MB21D2: variants seen among roughly 807,000 people sequenced by gnomAD.
The protein encoded by MB21D2 is nucleotidyltransferase MB21D2.
MB21D2 carries 9 observed loss-of-function variants against 33.3 expected under a neutral mutation model. That is an observed-to-expected ratio of 0.27 (90% CI 0.16 to 0.47). The LOEUF (loss-of-function observed/expected upper bound fraction) is 0.47, where lower values mean the gene tolerates loss of function less well. Among genes scored for constraint, MB21D2 ranks in the 20% least tolerant of loss-of-function variants. The pLI, the probability that MB21D2 is intolerant of heterozygous loss-of-function variation, is 0.99. For synonymous variants in MB21D2, 241 were observed against 236.3 expected (o/e 1.02, Z -0.18); for missense variants, 540 against 624.6 (o/e 0.86, Z 1.44).
intron 1 of MB21D2, among the ~76,000 whole-genome samples, chr3:192,852,494 T>C (rs942810609): frequency 6.6e-5 from 10 of 152,164 alleles, no homozygotes; most frequent in African/African-American, 2.4e-4. Flanking sequence ...GGTCATTTTG[T>C]AGCAGGACAT....
intron 1 of MB21D2, among the ~76,000 whole-genome samples, chr3:192,880,002 G>T (rs1199604468): frequency 6.6e-6 from 1 of 152,124 alleles, no homozygotes; most frequent in Non-Finnish European, 1.5e-5. Flanking sequence ...TCCAGCAAGA[G>T]AAATGGCAGG....
chr3:192,904,515 C>G (rs558715034), intron 1 of MB21D2, among the ~76,000 whole-genome samples: 1 of 152,206 alleles, frequency 6.6e-6, no homozygotes, highest in Admixed American at 6.5e-5. Context: ...CCCTCGGCCC[C>G]GGGCCCTTGG....
chr3:192,858,828 G>T (rs188116170), intron 1 of MB21D2, among the ~76,000 whole-genome samples: 2 of 152,274 alleles, frequency 1.3e-5, no homozygotes, highest in East Asian at 3.9e-4. Context: ...AGGTATACAG[G>T]TATTGCAATA....
At chr3:192,855,325 C>G (rs1712893773) in intron 1 of MB21D2, among the ~76,000 whole-genome samples, 3 of 152,186 alleles carry the variant, frequency 2.0e-5, no homozygotes, top group Non-Finnish European at 2.9e-5. Flanking sequence ...TCTCTAACTC[C>G]TGGCCTCGTG....
intron 1 of MB21D2, among the ~76,000 whole-genome samples, chr3:192,833,688 C>T (rs1384779508): frequency 6.6e-6 from 1 of 152,138 alleles, no homozygotes; most frequent in African/African-American, 2.4e-5. Flanking sequence ...TCAGAACAAC[C>T]CTAGAACTCT....
At chr3:192,816,061 T>G (rs182752131) in intron 1 of MB21D2, among the ~76,000 whole-genome samples, 1 of 152,114 alleles carries the variant, frequency 6.6e-6, no homozygotes, top group South Asian at 2.1e-4. Flanking sequence ...ACAGTTTGAA[T>G]AGAGGTGTAC....
intron 1 of MB21D2, among the ~76,000 whole-genome samples, chr3:192,872,669 G>C (rs1713336724): frequency 6.6e-6 from 1 of 152,142 alleles, no homozygotes; most frequent in Non-Finnish European, 1.5e-5. Flanking sequence ...GTTCCCTACG[G>C]GGATGGCTAA....
intron 1 of MB21D2, among the ~76,000 whole-genome samples, chr3:192,837,552 G>A (rs1328452776): frequency 6.6e-6 from 1 of 152,162 alleles, no homozygotes; most frequent in Non-Finnish European, 1.5e-5. Flanking sequence ...AGAACCGAAT[G>A]GAGGAATCCT....
At chr3:192,809,266 TTGTATTTTTAG>T (rs1453223157) in intron 1 of MB21D2, among the ~76,000 whole-genome samples, 1 of 152,198 alleles carries the variant, frequency 6.6e-6, no homozygotes. Context: ...TGGCTAATTT[TTGTATTTTTAG>T]TAGAGATGGG....
intron 1 of MB21D2, among the ~76,000 whole-genome samples, chr3:192,874,581 C>A (rs1463882): frequency 0.61 from 93,035 of 152,056 alleles, 30,366 homozygotes; most frequent in African/African-American, 0.84. Context: ...CCTGTCAAAA[C>A]GCCCTTAAAA....
chr3:192,898,655 TA>T (rs1318275043), intron 1 of MB21D2, among the ~76,000 whole-genome samples: 1 of 151,950 alleles, frequency 6.6e-6, no homozygotes, highest in East Asian at 1.9e-4. Flanking sequence ...TTCAGGCAAT[TA>T]AAAAAAAGAC....
intron 1 of MB21D2, among the ~76,000 whole-genome samples, chr3:192,901,416 A>C (rs1301832015): frequency 7.3e-6 from 1 of 136,860 alleles, no homozygotes; most frequent in African/African-American, 2.9e-5. Context: ...AAAAATTCAA[A>C]AAAAAAAAAA....
At chr3:192,833,374 C>T (rs1293339580) in intron 1 of MB21D2, among the ~76,000 whole-genome samples, 4 of 152,162 alleles carry the variant, frequency 2.6e-5, no homozygotes, top group African/African-American at 7.2e-5. Flanking sequence ...GACAATCTGA[C>T]GCAACTATGG....
intron 1 of MB21D2, among the ~76,000 whole-genome samples, chr3:192,845,342 C>T (rs957165567): frequency 3.9e-5 from 6 of 152,222 alleles, no homozygotes; most frequent in South Asian, 2.1e-4. Context: ...AACTGCCTTT[C>T]GCATCCCCAA....
At chr3:192,899,304 G>A (rs1393332646) in intron 1 of MB21D2, among the ~76,000 whole-genome samples, 7 of 152,126 alleles carry the variant, frequency 4.6e-5, no homozygotes, top group Non-Finnish European at 7.3e-5. Context: ...TGAGGTGGGC[G>A]GATCACTTGA....
chr3:192,809,063 A>T, intron 1 of MB21D2, among the ~76,000 whole-genome samples: 3 of 152,104 alleles, frequency 2.0e-5, no homozygotes, highest in Admixed American at 2.0e-4. Context: ...ATCTCGTTCA[A>T]TCTTCTTGGC....
At chr3:192,913,709 C>G (rs1213709109) in intron 1 of MB21D2, among the ~76,000 whole-genome samples, 6 of 151,992 alleles carry the variant, frequency 3.9e-5, no homozygotes, top group Non-Finnish European at 8.8e-5. Context: ...GTACACATCT[C>G]TAGTCCTAGC....
At chr3:192,807,887 C>CA (rs2108610830) in intron 1 of MB21D2, among the ~76,000 whole-genome samples, 1 of 151,552 alleles carries the variant, frequency 6.6e-6, no homozygotes, top group South Asian at 2.1e-4. Context: ...TGCTGAGTAA[C>CA]AAAGCTAATA....
At chr3:192,821,725 C>G (rs991904031) in intron 1 of MB21D2, among the ~76,000 whole-genome samples, 1 of 152,120 alleles carries the variant, frequency 6.6e-6, no homozygotes, top group African/African-American at 2.4e-5. Flanking sequence ...GAACACCAGC[C>G]CTGCCACAGT....
Sources: allele counts gnomAD v4.1 joint callset (sites outside exome capture counted in the v4.1 genomes callset), GRCh38; gene constraint gnomAD v4.1.1; transcripts MANE v1.5; gene names NCBI Gene and HGNC (gene_info 2026-07-23, HGNC 2026-07-21).